The following NSUN6 variants were observed in gnomAD, a reference collection of about 807,000 sequenced individuals.
NSUN6 encodes tRNA (cytosine(72)-C(5))-methyltransferase NSUN6.
Under a neutral mutation model 58.0 loss-of-function variants are expected in NSUN6, and 64 were observed. That is an observed-to-expected ratio of 1.10 (90% CI 0.90 to 1.36). NSUN6 has a LOEUF of 1.36. Among genes scored for constraint, NSUN6 ranks in the 40% most tolerant of loss-of-function variants. The pLI is 0.00. For synonymous variants in NSUN6, 231 were observed against 193.9 expected, an observed-to-expected ratio of 1.19 and a Z score of -1.59; for missense variants, 701 against 550.1, an observed-to-expected ratio of 1.27 and a Z score of -2.74.
intron 8 of NSUN6, among the ~76,000 whole-genome samples, chr10:18,555,277 G>C (rs2054907546): frequency 6.6e-6 from 1 of 150,386 alleles, no homozygotes; most frequent in African/African-American, 2.4e-5. Flanking sequence ...TGAATGAAAT[G>C]GAATGAAGAA....
chr10:18,641,823 CT>C (rs1450611604), intron 3 of NSUN6, among the ~76,000 whole-genome samples: 1 of 152,126 alleles, frequency 6.6e-6, no homozygotes, highest in African/African-American at 2.4e-5. Context: ...AATCCCAATA[CT>C]TTGAGAGGCT....
chr10:18,567,729 CCATTCTGCATTT>C (rs2056068637), intron 8 of NSUN6, among the ~76,000 whole-genome samples: 1 of 98,280 alleles, frequency 1.0e-5, no homozygotes, highest in African/African-American at 3.8e-5. Context: ...ATCCTCCATT[CCATTCTGCATTT>C]CATTCCATTC....
At chr10:18,568,925 T>C (rs1401190964) in intron 8 of NSUN6, among the ~76,000 whole-genome samples, 3 of 150,844 alleles carry the variant, frequency 2.0e-5, no homozygotes, top group African/African-American at 7.3e-5. Context: ...CATTCCATTC[T>C]CCATTTGGTT....
intron 2 of NSUN6, among the ~76,000 whole-genome samples, chr10:18,645,299 T>C (rs2059513688): frequency 1.3e-5 from 2 of 152,174 alleles, no homozygotes; most frequent in African/African-American, 2.4e-5. Flanking sequence ...TCTGATGGTT[T>C]AATGTATATA....
chr10:18,652,153 A>G (rs2059720746), upstream of NSUN6: 1 of 985,294 alleles, frequency 1.0e-6, no homozygotes, highest in Non-Finnish European at 1.2e-6. Flanking sequence ...AGTTAGTTAT[A>G]AGGCTAACTG....
At chr10:18,651,073 G>A (rs2059690441) in intron 1 of NSUN6, 56 bp downstream of exon 1, 1 of 1,567,542 alleles carries the variant, frequency 6.4e-7, no homozygotes, top group African/African-American at 1.4e-5. Context: ...TTTCTCTCGA[G>A]TGTGCGAATA....
chr10:18,617,747 C>T (rs1288707772), intron 3 of NSUN6, among the ~76,000 whole-genome samples: 1 of 152,062 alleles, frequency 6.6e-6, no homozygotes, highest in African/African-American at 2.4e-5. Context: ...AACTTAATCC[C>T]TAGTGCAACA....
At chr10:18,646,661 G>A (rs891731129) in intron 2 of NSUN6, among the ~76,000 whole-genome samples, 7 of 152,196 alleles carry the variant, frequency 4.6e-5, no homozygotes, top group African/African-American at 1.7e-4. Flanking sequence ...TAGCCAATAT[G>A]GTGAAACCCC....
At chr10:18,615,472 A>G (rs976142636) in intron 4 of NSUN6, among the ~76,000 whole-genome samples, 5 of 152,214 alleles carry the variant, frequency 3.3e-5, no homozygotes, top group Admixed American at 6.5e-5. Flanking sequence ...TTGTAGCCAC[A>G]TAAGTTCTCT....
At chr10:18,624,415 C>G (rs11015196) in intron 3 of NSUN6, among the ~76,000 whole-genome samples, 52,473 of 151,420 alleles carry the variant, frequency 0.35, 9,662 homozygotes, top group East Asian at 0.74. Flanking sequence ...GTGGCTCATG[C>G]CTATAATCCC....
Position 18,651,504 on chromosome 10 carries a change from T to C in NSUN6, c.-301A>G. 1.9e-6 allele frequency: 2 copies of C among 1,070,238 alleles called. No individual in the cohort carries two copies. Among genetic ancestry groups the C allele is most frequent in the Non-Finnish European group, 2.3e-6 (2 of 885,836 alleles). 66.3% of individuals were successfully genotyped at this position (1,070,238 alleles called of 1,614,324 possible). A position where few individuals can be genotyped will look rare whatever the true frequency, so the allele number is the denominator to read the frequency against. On this transcript the variant is annotated 5_prime_UTR_variant, in exon 1 of 11. Coordinates refer to ENST00000377304, the MANE Select transcript of NSUN6 (RefSeq NM_182543.5). ...GCAAAGAACCAAAAAAAGAAAAAAA[T>C]GCTTAGTAACTGAATCCGTGGTGAA...
intron 7 of NSUN6, among the ~76,000 whole-genome samples, chr10:18,589,903 T>C (rs554246225): frequency 2.0e-3 from 308 of 152,240 alleles, no homozygotes; most frequent in Middle Eastern, 6.8e-3. Context: ...AATTCACACC[T>C]AACAATATTA....
chr10:18,597,713 C>G (rs1235801781), intron 6 of NSUN6, among the ~76,000 whole-genome samples: 3 of 152,108 alleles, frequency 2.0e-5, no homozygotes, highest in Non-Finnish European at 4.4e-5. Context: ...TTGCAGTGAG[C>G]AGAGATAGCG....
At chr10:18,602,971 A>T (rs770611375) in intron 6 of NSUN6, among the ~76,000 whole-genome samples, 1 of 152,190 alleles carries the variant, frequency 6.6e-6, no homozygotes, top group Non-Finnish European at 1.5e-5. Flanking sequence ...CAACCTCTAC[A>T]TAAGTCCTAG....
At chr10:18,567,298 C>T (rs1430942129) in intron 8 of NSUN6, among the ~76,000 whole-genome samples, 2 of 150,318 alleles carry the variant, frequency 1.3e-5, no homozygotes, top group African/African-American at 4.9e-5. Context: ...TTTTCTATAC[C>T]ATCCTCCATT....
intron 7 of NSUN6, among the ~76,000 whole-genome samples, chr10:18,590,945 T>G (rs183414719): frequency 6.6e-6 from 1 of 152,124 alleles, no homozygotes; most frequent in African/African-American, 2.4e-5. Flanking sequence ...AAAGAATGAA[T>G]TGAGGAGCTG....
In NSUN6 at chr10:18,626,722, G is replaced by C. The variant is rs1310294890; in HGVS notation, c.312-10429C>G. On this transcript the variant is annotated intron_variant, in intron 3 of 10. Transcript: ENST00000377304. ...GTGGAGGTTGCAGTGAGCCGAGATC[G>C]TGCCATTGCACTCTAGCTTGGGCAA... is the stretch of plus-strand genomic sequence containing the variant. 2.0e-5 allele frequency among the ~76,000 whole-genome samples: 3 copies of C among 152,168 alleles called. No individual in the cohort carries two copies. In the South Asian group the frequency reaches 6.2e-4, roughly 32 times the overall value.
At chr10:18,583,506 G>A (rs538285174) in intron 8 of NSUN6, among the ~76,000 whole-genome samples, 18 of 152,258 alleles carry the variant, frequency 1.2e-4, no homozygotes, top group African/African-American at 2.9e-4. Context: ...ATTGGTAGGG[G>A]AGAAAAAGCA....
At chr10:18,566,395 CCATTCTTCTT>C (rs1392447358) in intron 8 of NSUN6, among the ~76,000 whole-genome samples, 16 of 149,110 alleles carry the variant, frequency 1.1e-4, no homozygotes, top group East Asian at 4.1e-4. Context: ...ATTCCATTCT[CCATTCTTCTT>C]CATTCTATTC....
Sources: allele counts gnomAD v4.1 joint callset (sites outside exome capture counted in the v4.1 genomes callset), GRCh38; gene constraint gnomAD v4.1.1; transcripts MANE v1.5; gene names NCBI Gene and HGNC (gene_info 2026-07-23, HGNC 2026-07-21).